The following SPCS2 variants were observed in gnomAD, a reference collection of about 807,000 sequenced individuals.
SPCS2 encodes the protein signal peptidase complex subunit 2.
In SPCS2, 3 loss-of-function variants were observed where a neutral mutation model predicts 22.3. That is an observed-to-expected ratio of 0.13 (90% CI 0.06 to 0.35). The LOEUF (loss-of-function observed/expected upper bound fraction) is 0.35, where lower values mean the gene tolerates loss of function less well. Among genes scored for constraint, SPCS2 ranks in the 10% least tolerant of loss-of-function variants. SPCS2 has a pLI of 1.00. For synonymous variants in SPCS2, 67 were observed against 97.2 expected (o/e 0.69, Z 1.83); for missense variants, 169 against 280.9 (o/e 0.60, Z 2.85).
chr11:74,960,073 G>T (rs925330485), intron 1 of SPCS2, among the ~76,000 whole-genome samples: 1 of 152,302 alleles, frequency 6.6e-6, no homozygotes, highest in East Asian at 1.9e-4. Context: ...ATCTTGGCCG[G>T]GTGTGGTGGC....
chr11:74,976,830 A>C, intron 4 of SPCS2, 27 bp from the exon 5 acceptor site: 1 of 1,613,130 alleles, frequency 6.2e-7, no homozygotes, highest in Non-Finnish European at 8.5e-7. Context: ...TTGGTTTTTA[A>C]TTTGTTATCT....
intron 4 of SPCS2, among the ~76,000 whole-genome samples, chr11:74,971,798 A>G (rs1460107101): frequency 6.6e-6 from 1 of 152,260 alleles, no homozygotes; most frequent in Admixed American, 6.5e-5. Flanking sequence ...CTCCTTCAGC[A>G]TATGAAGTAT....
intron 1 of SPCS2, among the ~76,000 whole-genome samples, chr11:74,954,259 T>C (rs980433178): frequency 6.6e-6 from 1 of 152,250 alleles, no homozygotes; most frequent in Non-Finnish European, 1.5e-5. Context: ...TCAGCCTCAT[T>C]TTGTAGACAA....
intron 1 of SPCS2, among the ~76,000 whole-genome samples, chr11:74,955,877 T>C: frequency 8.3e-6 from 1 of 120,358 alleles, no homozygotes; most frequent in African/African-American, 3.4e-5. Flanking sequence ...TATATATATA[T>C]ATATATATAT....
intron 4 of SPCS2, among the ~76,000 whole-genome samples, chr11:74,976,112 G>A (rs1948612389): frequency 6.6e-6 from 1 of 152,168 alleles, no homozygotes; most frequent in African/African-American, 2.4e-5. Context: ...GGCACCCCGG[G>A]ATTGGAGAGC....
chr11:74,972,878 TTA>T (rs529537778), intron 4 of SPCS2, among the ~76,000 whole-genome samples: 5,439 of 141,474 alleles, frequency 0.038, 129 homozygotes, highest in African/African-American at 0.063. Flanking sequence ...TATTAATGTT[TTA>T]TATATATATA....
rs185019099 is a variant in SPCS2 at position 74,965,626 on chromosome 11, G to C, written c.199-137G>C. The C allele has an allele frequency of 1.0e-4, 70 of 669,634 alleles. No individual in the cohort carries two copies. In the East Asian group the frequency reaches 1.9e-3, roughly 18 times the overall value. 41.5% of individuals were successfully genotyped at this position (669,634 alleles called of 1,614,324 possible). On this transcript the variant is annotated intron_variant, in intron 2 of 4. Transcript: ENST00000263672. The stretch of plus-strand genomic sequence containing the variant: ...TTTATAGAAGGCTTGAGTTTTACTT[G>C]TTTGGTGTGGTAAAATCCCAACTGG...
At position 74,966,867 on chromosome 11, in the gene SPCS2, A is replaced by G. The variant is rs184668081; in HGVS notation, c.359+944A>G. On this transcript the variant is annotated intron_variant, in intron 3 of 4. Coordinates refer to ENST00000263672, the MANE Select transcript of SPCS2 (RefSeq NM_014752.3). ...CAGCGTCAGCCTCCTGGCTCGAGCA[A>G]TTCTCCCACCTCAACCTCCTGAGTA... 9.2e-5 allele frequency among the ~76,000 whole-genome samples: 14 copies of G among 152,144 alleles called. No individual in the cohort carries two copies. The East Asian group carries it at 1.2e-3, about 13-fold the overall frequency.
intron 1 of SPCS2, among the ~76,000 whole-genome samples, chr11:74,960,471 T>G (rs1948506267): frequency 6.6e-6 from 1 of 151,828 alleles, no homozygotes. Context: ...TGATACCCTG[T>G]GAGTTTTGTG....
Position 74,977,325 on chromosome 11 carries a change from C to G in SPCS2, c.*282C>G, listed in dbSNP as rs932448491. 1 of 172,958 alleles carries G rather than the reference C, an allele frequency of 5.8e-6. No individual in the cohort carries two copies. Among genetic ancestry groups the G allele is most frequent in the East Asian group, 1.6e-4 (1 of 6,120 alleles). The allele number at this position is 172,958 out of a possible 1,614,324, so 10.7% of individuals were successfully genotyped here. A position where few individuals can be genotyped will look rare whatever the true frequency, so the allele number is the denominator to read the frequency against. On this transcript the variant is annotated 3_prime_UTR_variant, in exon 5 of 5. Transcript: ENST00000263672. ...TTGCTAAAAGCTGTACAGACTTTTT[C>G]TTTTGTACCTAGCAGTACTTTATAT... is the stretch of plus-strand genomic sequence containing the variant.
chr11:74,949,321 T>A lies in SPCS2; in HGVS notation c.36T>A (p.Gly12=). ...CAGCTGTACAGGGCGGGAGAAGCGG[T>A]GGTAGCGGAGGCTGTAGTGGGGCTG... is the stretch of plus-strand genomic sequence containing the variant. ...AAAAVQGGRS[G]GSGGCSGAGG... Residue 12 remains glycine, a synonymous_variant, in exon 1 of 5, where the codon GGT becomes GGA. Transcript: ENST00000263672. The A allele has an allele frequency of 6.5e-7, 1 of 1,550,190 alleles. No homozygotes were observed. Among genetic ancestry groups the A allele is most frequent in the Non-Finnish European group, 8.7e-7 (1 of 1,146,556 alleles).
chr11:74,958,546 T>C (rs954210308), intron 1 of SPCS2, among the ~76,000 whole-genome samples: 1 of 152,244 alleles, frequency 6.6e-6, no homozygotes, highest in Non-Finnish European at 1.5e-5. Flanking sequence ...CCAACTGAAA[T>C]TGTAATCTCA....
intron 4 of SPCS2, among the ~76,000 whole-genome samples, chr11:74,972,554 C>T (rs141375057): frequency 4.6e-5 from 7 of 152,268 alleles, no homozygotes; most frequent in African/African-American, 1.7e-4. Flanking sequence ...GTAACCAGAC[C>T]CAGCCCAGGG....
rs567355848 is a variant in SPCS2, at chr11:74,970,685, C to T, written c.494+986C>T. On this transcript the variant is annotated intron_variant, in intron 4 of 4. Transcript: ENST00000263672. ...GAAGCAGACCTTCATTCTGTTGTTG[C>T]AGCTGAGTTCTTGCTTATCTCCTGA... Among the ~76,000 whole-genome samples, 6 of 152,194 alleles carry T rather than the reference C, an allele frequency of 3.9e-5. No homozygotes were observed. The South Asian group carries it at 1.2e-3, about 32-fold the overall frequency.
chr11:74,962,681 A>G (rs1349999883), intron 1 of SPCS2, among the ~76,000 whole-genome samples: 1 of 152,236 alleles, frequency 6.6e-6, no homozygotes, highest in East Asian at 1.9e-4. Context: ...GAAGCACCTA[A>G]TAGCAACTCC....
chr11:74,959,051 C>T (rs1182907949), intron 1 of SPCS2, among the ~76,000 whole-genome samples: 4 of 152,210 alleles, frequency 2.6e-5, no homozygotes, highest in Non-Finnish European at 5.9e-5. Context: ...TCATCTCCTA[C>T]TACTTTCCCC....
chr11:74,976,753 G>A (rs927958059), intron 4 of SPCS2, 104 bp from the exon 5 acceptor site: 30 of 1,430,162 alleles, frequency 2.1e-5, no homozygotes, highest in Middle Eastern at 1.8e-4. Flanking sequence ...CTGTATCACC[G>A]TGCCCAGCTT....
chr11:74,977,096 G>C lies in SPCS2; in HGVS notation c.*53G>C, dbSNP rs1002289804. The stretch of plus-strand genomic sequence containing the variant: ...CTGGATCTTGCTGAATTAGTGGCTT[G>C]GGGGGTGGGGGAGATAAAAAGAACT... On this transcript the variant is annotated 3_prime_UTR_variant, in exon 5 of 5. Coordinates refer to ENST00000263672, the MANE Select transcript of SPCS2 (RefSeq NM_014752.3). The C allele has an allele frequency of 8.6e-7, 1 of 1,169,518 alleles. No homozygotes were observed. The allele number at this position is 1,169,518 out of a possible 1,614,324, so 72.4% of individuals were successfully genotyped here. A position where few individuals can be genotyped will look rare whatever the true frequency, so the allele number is the denominator to read the frequency against.
Position 74,965,379 on chromosome 11 carries a change from TA to T in SPCS2, c.198+272del, listed in dbSNP as rs554619545. On this transcript the variant is annotated intron_variant, in intron 2 of 4. Coordinates refer to ENST00000263672, the MANE Select transcript of SPCS2 (RefSeq NM_014752.3). ...ACTTAAAGTATAATAATAATAAAAT[TA>T]AAAAAAAAAGAAATATAGATGTTGG... Among the ~76,000 whole-genome samples the T allele has an allele frequency of 2.6e-3, 385 of 148,762 alleles. 2 individuals carry two copies. The highest frequency in any genetic ancestry group is 8.2e-3 in the African/African-American group (334 of 40,624).
Sources: gnomAD v4.1 joint callset for allele counts (sites outside exome capture counted in the v4.1 genomes callset) on GRCh38, gnomAD v4.1.1 for gene constraint, MANE v1.5 for transcripts, NCBI Gene and HGNC (gene_info 2026-07-23, HGNC 2026-07-21) for gene names.